The following HNF1A variants were observed in gnomAD, a reference collection of about 807,000 sequenced individuals.
HNF1A encodes the protein hepatocyte nuclear factor 1-alpha.
A neutral mutation model predicts 62.2 loss-of-function variants in HNF1A; 21 were observed. The ratio of observed to expected loss-of-function variants is 0.34; its 90% CI spans 0.24 to 0.49. The LOEUF (loss-of-function observed/expected upper bound fraction) is 0.49. HNF1A is among the 20% of genes least tolerant of loss of function. The pLI, the probability that HNF1A is intolerant of heterozygous loss-of-function variation, is 0.99. For synonymous variants in HNF1A, 374 were observed against 366.8 expected, an observed-to-expected ratio of 1.02 and a Z score of -0.22; for missense variants, 687 against 832.3, an observed-to-expected ratio of 0.83 and a Z score of 2.15.
Position 121,002,384 on chromosome 12 carries a change from T to C in HNF1A, c.*1192T>C, listed in dbSNP as rs578236993. 4 of 518,286 alleles carry C rather than the reference T, an allele frequency of 7.7e-6. No homozygotes were observed. Among genetic ancestry groups the C allele is most frequent in the Admixed American group, 7.3e-5 (3 of 40,856 alleles). The allele number at this position is 518,286 out of a possible 1,614,324, so 32.1% of individuals were successfully genotyped here. Reference sequence around the variant, plus strand: ...GCTGCTGAGAACCTGGCCTTCAGTGTACCGCGTCTACCCTGGGATTCAGGA... The same window carrying C: ...GCTGCTGAGAACCTGGCCTTCAGTGCACCGCGTCTACCCTGGGATTCAGGA... On this transcript the variant is annotated 3_prime_UTR_variant, in exon 10 of 10. Coordinates refer to ENST00000257555, the MANE Select transcript of HNF1A (RefSeq NM_000545.8).
chr12:120,988,727 A>C, intron 1 of HNF1A, 106 bp from the exon 2 acceptor site: 1 of 999,458 alleles, frequency 1.0e-6, no homozygotes, highest in East Asian at 2.6e-5. Context: ...TTTCATGCAC[A>C]GTCCCCACCC....
At chr12:120,991,438 A>T (rs1367260097) in intron 2 of HNF1A, among the ~76,000 whole-genome samples, 1 of 152,226 alleles carries the variant, frequency 6.6e-6, no homozygotes, top group African/African-American at 2.4e-5. Flanking sequence ...AACTAAAAAT[A>T]CAAAAATTAG....
chr12:120,988,476 CCATT>C (rs1448782106), intron 1 of HNF1A, among the ~76,000 whole-genome samples: 2 of 152,134 alleles, frequency 1.3e-5, no homozygotes, highest in African/African-American at 2.4e-5. Flanking sequence ...ATCCATTCAT[CCATT>C]CACCCATCCA....
rs150195625 is a variant in HNF1A, at chr12:120,978,924, C to T, written c.156C>T (p.Gly52=). ...TGGACAAGGGGGAGTCCTGCGGCGG[C>T]GGTCGAGGGGAGCTGGCTGAGCTGC... ...GPLDKGESCG[G]GRGELAELPN... The change falls in exon 1 of 10, where the codon GGC becomes GGT. Residue 52 remains glycine (G), a synonymous_variant. Coordinates refer to ENST00000257555, the MANE Select transcript of HNF1A (RefSeq NM_000545.8). The T allele has an allele frequency of 1.6e-4, 254 of 1,610,746 alleles. 1 individual carries two copies. In the African/African-American group the frequency reaches 2.4e-3, roughly 15 times the overall value.
At chr12:120,995,734 C>T (rs1345817674) in intron 4 of HNF1A, among the ~76,000 whole-genome samples, 1 of 152,084 alleles carries the variant, frequency 6.6e-6, no homozygotes, top group Non-Finnish European at 1.5e-5. Flanking sequence ...CACCCTATAC[C>T]ATTCCACTCC....
rs1458810939 is a variant in HNF1A, at chr12:120,996,962, A to C, written c.1309+220A>C. On this transcript the variant is annotated intron_variant, in intron 6 of 9. Coordinates refer to ENST00000257555, the MANE Select transcript of HNF1A (RefSeq NM_000545.8). The surrounding 1 kb of genome is among the most constrained non-coding windows in gnomAD (Gnocchi z 4.5). ...TCAAGCAGGGAGGCAGGCACTAAGCATAATACATCAATTCTGTGGTACCTC... is the reference window on the plus strand; with the variant it reads ...TCAAGCAGGGAGGCAGGCACTAAGCCTAATACATCAATTCTGTGGTACCTC... The C allele has an allele frequency of 2.7e-6, 4 of 1,502,442 alleles. No individual in the cohort carries two copies. Among genetic ancestry groups the C allele is most frequent in the Non-Finnish European group, 3.6e-6 (4 of 1,106,200 alleles). 93.1% of individuals were successfully genotyped at this position (1,502,442 alleles called of 1,614,324 possible). A position where few individuals can be genotyped will look rare whatever the true frequency, so the allele number is the denominator to read the frequency against.
At chr12:120,993,006 C>T (rs1876907813) in intron 2 of HNF1A, among the ~76,000 whole-genome samples, 1 of 152,174 alleles carries the variant, frequency 6.6e-6, no homozygotes, top group African/African-American at 2.4e-5. Context: ...AAAGTGGTAC[C>T]AGCTGATGAA....
rs188016232 is a variant in HNF1A, at chr12:120,978,782, T to C, written c.14T>C (p.Leu5Pro). Residue 5 changes from leucine (L) to proline (P), a missense_variant, in exon 1 of 10, where the codon CTG becomes CCG. Coordinates refer to ENST00000257555, the MANE Select transcript of HNF1A (RefSeq NM_000545.8). ...GGCAGCCGAGCCATGGTTTCTAAAC[T>C]GAGCCAGCTGCAGACGGAGCTCCTG... MVSK[L>P]SQLQTELLAA... 6.2e-7 allele frequency: 1 copy of C among 1,612,976 alleles called. No individual in the cohort carries two copies.
intron 3 of HNF1A, 50 bp downstream of exon 3, chr12:120,993,756 G>A (rs748567045): frequency 7.6e-6 from 12 of 1,586,386 alleles, no homozygotes; most frequent in African/African-American, 6.7e-5. Flanking sequence ...GCTGCGGCAA[G>A]GCCAGGGAAG....
chr12:120,981,610 G>A (rs573255949), intron 1 of HNF1A, among the ~76,000 whole-genome samples: 8 of 152,142 alleles, frequency 5.3e-5, no homozygotes, highest in East Asian at 3.9e-4. Context: ...GCCTTTGCAC[G>A]TGCTCTTCCT....
chr12:120,987,398 C>T (rs1876564391), intron 1 of HNF1A, among the ~76,000 whole-genome samples: 1 of 150,712 alleles, frequency 6.6e-6, no homozygotes. Context: ...CGGCATGAAC[C>T]CAGGAGGTGG....
In HNF1A at chr12:120,996,229, G is replaced by C. The variant is rs749065496; in HGVS notation, c.956-33G>C. On this transcript the variant is annotated intron_variant, in intron 4 of 9. Coordinates refer to ENST00000257555, the MANE Select transcript of HNF1A (RefSeq NM_000545.8). The surrounding 1 kb of genome is among the most constrained non-coding windows in gnomAD (Gnocchi z 4.5). ...GAGGCAGGGGAGGGCAGGGAAGTGG[G>C]GTGCTGAGGCAGGACACTGCTTCCC... 5 of 1,612,856 alleles carry C rather than the reference G, an allele frequency of 3.1e-6. No homozygotes were observed. The South Asian group carries it at 5.5e-5, about 18-fold the overall frequency.
chr12:120,996,827 C>T lies in HNF1A; in HGVS notation c.1309+85C>T, dbSNP rs75100977. ...CCAGGAGCTGGAAGAGCCACTGGGACTCATTCATTCATTCATACAACATGT... is the reference window on the plus strand; with the variant it reads ...CCAGGAGCTGGAAGAGCCACTGGGATTCATTCATTCATTCATACAACATGT... On this transcript the variant is annotated intron_variant, in intron 6 of 9. Transcript: ENST00000257555. This position sits in a 1 kb window ranked among gnomAD's most constrained non-coding sequence, Gnocchi z 4.5. The T allele has an allele frequency of 6.6e-7, 1 of 1,513,156 alleles. No individual in the cohort carries two copies. The highest frequency in any genetic ancestry group is 9.0e-7 in the Non-Finnish European group (1 of 1,114,454). 93.7% of individuals were successfully genotyped at this position (1,513,156 alleles called of 1,614,324 possible). A position where few individuals can be genotyped will look rare whatever the true frequency, so the allele number is the denominator to read the frequency against.
chr12:120,988,679 CCTGAGT>C (rs1439464421), intron 1 of HNF1A, among the ~76,000 whole-genome samples, 148 bp from the exon 2 acceptor site: 1 of 152,190 alleles, frequency 6.6e-6, no homozygotes, highest in African/African-American at 2.4e-5. Flanking sequence ...CCTCACCGTC[CCTGAGT>C]CTATGTGTAG....
intron 1 of HNF1A, among the ~76,000 whole-genome samples, chr12:120,982,276 G>T (rs1478444173): frequency 6.6e-6 from 1 of 152,004 alleles, no homozygotes; most frequent in Non-Finnish European, 1.5e-5. Context: ...CACTATGTTG[G>T]CCAGGCTGGT....
rs531492632 is a variant in HNF1A, at chr12:120,990,704, GAAAA to G, written c.526+1673_526+1676del. Among the ~76,000 whole-genome samples the G allele has an allele frequency of 4.2e-4, 62 of 148,122 alleles. 1 individual carries two copies. The South Asian group carries it at 0.013, about 31-fold the overall frequency. Reference sequence around the variant, plus strand: ...GGAGGAAGGAAGGAAGGAAGGAAAAGAAAAGAAAGAAAAAGAACGAGAGAAAGAA... The same window carrying G: ...GGAGGAAGGAAGGAAGGAAGGAAAAGGAAAGAAAAAGAACGAGAGAAAGAA... On this transcript the variant is annotated intron_variant, in intron 2 of 9. Transcript: ENST00000257555.
At chr12:120,995,168 C>G (rs1877038475) in intron 4 of HNF1A, among the ~76,000 whole-genome samples, 1 of 150,782 alleles carries the variant, frequency 6.6e-6, no homozygotes, top group Admixed American at 6.6e-5. Flanking sequence ...CACTCCATAC[C>G]TGGCTCCATC....
intron 2 of HNF1A, among the ~76,000 whole-genome samples, chr12:120,992,491 G>A (rs559172401): frequency 6.6e-6 from 1 of 152,318 alleles, no homozygotes; most frequent in African/African-American, 2.4e-5. Context: ...CTCTTAAGTA[G>A]CTGGAATGGC....
At position 120,996,794 on chromosome 12, in the gene HNF1A, C is replaced by T. The variant is rs56031130; in HGVS notation, c.1309+52C>T. The stretch of plus-strand genomic sequence containing the variant: ...CTGGGTGGGAGGCTCATGGGGCAAC[C>T]GCAGAATCCAGGAGCTGGAAGAGCC... On this transcript the variant is annotated intron_variant, in intron 6 of 9. Coordinates refer to ENST00000257555, the MANE Select transcript of HNF1A (RefSeq NM_000545.8). This position sits in a 1 kb window ranked among gnomAD's most constrained non-coding sequence, Gnocchi z 4.5. 1,813 of 1,602,842 alleles carry T rather than the reference C, an allele frequency of 1.1e-3. 15 individuals carry two copies. The African/African-American group carries it at 0.019, about 17-fold the overall frequency.
Sources: allele counts gnomAD v4.1 joint callset (sites outside exome capture counted in the v4.1 genomes callset), GRCh38; gene constraint gnomAD v4.1.1; non-coding constraint Gnocchi (gnomAD v3.1); transcripts MANE v1.5; gene names NCBI Gene and HGNC (gene_info 2026-07-23, HGNC 2026-07-21).